MGAT4C: variants seen among roughly 807,000 people sequenced by gnomAD.
MGAT4C encodes alpha-1,3-mannosyl-glycoprotein 4-beta-N-acetylglucosaminyltransferase C.
Under a neutral mutation model 40.1 loss-of-function variants are expected in MGAT4C, and 19 were observed. That is an observed-to-expected ratio of 0.47 (90% CI 0.33 to 0.70). The LOEUF is 0.70. MGAT4C is among the 30% of genes least tolerant of loss of function. MGAT4C has a pLI of 0.02. For missense variants in MGAT4C, 491 were observed against 563.2 expected, an observed-to-expected ratio of 0.87 and a Z score of 1.30; for synonymous variants, 181 against 187.1, an observed-to-expected ratio of 0.97 and a Z score of 0.27.
chr12:86,642,197 C>T (rs901121922), intron 2 of MGAT4C, among the ~76,000 whole-genome samples: 9 of 151,730 alleles, frequency 5.9e-5, no homozygotes, highest in Admixed American at 2.6e-4. Flanking sequence ...ATTTGAGATA[C>T]GTATAAAAAC....
rs139514149 is a variant in MGAT4C at position 86,228,491 on chromosome 12, A to G, written c.-57+27748T>C. Among the ~76,000 whole-genome samples, 579 of 151,960 alleles carry G rather than the reference A, an allele frequency of 3.8e-3. 9 individuals carry two copies. The highest frequency in any genetic ancestry group is 0.013 in the South Asian group (64 of 4,826). The stretch of plus-strand genomic sequence containing the variant: ...TTTGAAATAAGAAAACACCCTTCAA[A>G]CACAAAGAGAGTTTGTGCAGCTTTC... On this transcript the variant is annotated intron_variant, in intron 1 of 4. Transcript: ENST00000611864.
At chr12:86,001,813 G>A in intron 2 of MGAT4C, 1 of 186,582 alleles carries the variant, frequency 5.4e-6, no homozygotes, top group Non-Finnish European at 1.0e-5. Context: ...TGTTCTATTT[G>A]ATCCTATTTC....
intron 1 of MGAT4C, among the ~76,000 whole-genome samples, chr12:86,766,311 G>C (rs1166716838): frequency 6.6e-6 from 1 of 152,054 alleles, no homozygotes; most frequent in African/African-American, 2.4e-5. Flanking sequence ...TCAATAAGAA[G>C]AGCTAACTAT....
intron 1 of MGAT4C, among the ~76,000 whole-genome samples, chr12:86,203,014 CTGTGTGTGTGTGTGTG>C (rs10587166): frequency 1.4e-4 from 21 of 147,488 alleles, no homozygotes; most frequent in Admixed American, 8.1e-4. Context: ...TCACATTTTC[CTGTGTGTGTGTGTGTG>C]TGTGTGTGTG....
intron 2 of MGAT4C, among the ~76,000 whole-genome samples, chr12:86,718,024 G>A (rs1472738062): frequency 6.6e-6 from 1 of 152,130 alleles, no homozygotes; most frequent in Non-Finnish European, 1.5e-5. Context: ...GGCAGTGTCT[G>A]TAGACGTTTT....
At chr12:86,833,294 G>A (rs953321015) in intron 1 of MGAT4C, among the ~76,000 whole-genome samples, 2 of 151,888 alleles carry the variant, frequency 1.3e-5, no homozygotes, top group South Asian at 4.1e-4. Context: ...AGAGGGAGGA[G>A]AAAGAGAACA....
chr12:86,677,336 G>A (rs368664870), intron 2 of MGAT4C, among the ~76,000 whole-genome samples: 2 of 152,000 alleles, frequency 1.3e-5, no homozygotes, highest in South Asian at 2.1e-4. Context: ...TCCCAAATTA[G>A]GAGTTAGTAC....
intron 2 of MGAT4C, among the ~76,000 whole-genome samples, chr12:86,006,806 C>G (rs1436802715): frequency 1.3e-5 from 2 of 152,168 alleles, no homozygotes; most frequent in East Asian, 1.9e-4. Context: ...ACTCTACCCT[C>G]TTAGTGATTT....
intron 2 of MGAT4C, among the ~76,000 whole-genome samples, chr12:86,486,695 C>A (rs1958026231): frequency 6.6e-6 from 1 of 152,120 alleles, no homozygotes. Flanking sequence ...CAAAAAAATT[C>A]TGGACTTAAG....
At chr12:86,176,462 T>C (rs928049327) in intron 1 of MGAT4C, among the ~76,000 whole-genome samples, 1 of 152,128 alleles carries the variant, frequency 6.6e-6, no homozygotes, top group Non-Finnish European at 1.5e-5. Context: ...AAAATGTAAT[T>C]AGCTATTTTT....
At chr12:86,671,088 T>C (rs1316351657) in intron 2 of MGAT4C, among the ~76,000 whole-genome samples, 1 of 152,258 alleles carries the variant, frequency 6.6e-6, no homozygotes, top group Non-Finnish European at 1.5e-5. Flanking sequence ...CTAGAAAATG[T>C]AGCATTGCTA....
At chr12:86,062,382 T>A (rs1894079362) in intron 1 of MGAT4C, among the ~76,000 whole-genome samples, 1 of 151,920 alleles carries the variant, frequency 6.6e-6, no homozygotes, top group Non-Finnish European at 1.5e-5. Flanking sequence ...ATCACCAACA[T>A]CAAAGATCAA....
chr12:86,212,587 A>G (rs894284028), intron 1 of MGAT4C, among the ~76,000 whole-genome samples: 27 of 152,036 alleles, frequency 1.8e-4, no homozygotes, highest in Non-Finnish European at 3.5e-4. Context: ...AAGAAAAACA[A>G]AGGTATAAAG....
At chr12:86,450,330 GTTT>G (rs960333405) in intron 2 of MGAT4C, among the ~76,000 whole-genome samples, 1 of 152,016 alleles carries the variant, frequency 6.6e-6, no homozygotes, top group Non-Finnish European at 1.5e-5. Flanking sequence ...GAAGTGCTTA[GTTT>G]TTTATTAGGT....
At chr12:86,336,941 T>C (rs983474700) in intron 3 of MGAT4C, among the ~76,000 whole-genome samples, 2 of 152,128 alleles carry the variant, frequency 1.3e-5, no homozygotes, top group Admixed American at 6.5e-5. Context: ...GACTAACAGG[T>C]TTTGAAATTT....
chr12:86,222,958 G>C (rs1266801976), intron 1 of MGAT4C, among the ~76,000 whole-genome samples: 2 of 152,144 alleles, frequency 1.3e-5, no homozygotes, highest in East Asian at 3.9e-4. Flanking sequence ...CCTAACTATG[G>C]GAGAACTCCT....
intron 2 of MGAT4C, among the ~76,000 whole-genome samples, chr12:86,634,309 A>C (rs1006389043): frequency 6.6e-6 from 1 of 152,128 alleles, no homozygotes; most frequent in East Asian, 1.9e-4. Context: ...AAACTTCATG[A>C]GGTTATTTAA....
At chr12:86,092,203 A>G (rs1428870494) in intron 1 of MGAT4C, among the ~76,000 whole-genome samples, 1 of 152,182 alleles carries the variant, frequency 6.6e-6, no homozygotes, top group Non-Finnish European at 1.5e-5. Flanking sequence ...GTTAGCTACA[A>G]GCAAAATTTT....
At chr12:86,740,694 T>C (rs1358349192) in intron 1 of MGAT4C, among the ~76,000 whole-genome samples, 7 of 151,152 alleles carry the variant, frequency 4.6e-5, no homozygotes, top group African/African-American at 1.7e-4. Flanking sequence ...AAAGTCCTCA[T>C]GGCCTTCAAT....
Sources: allele counts gnomAD v4.1 joint callset (sites outside exome capture counted in the v4.1 genomes callset), GRCh38; gene constraint gnomAD v4.1.1; transcripts MANE v1.5; gene names NCBI Gene and HGNC (gene_info 2026-07-23, HGNC 2026-07-21).